The following RANBP17 variants were observed in gnomAD, a reference collection of about 807,000 sequenced individuals.
The protein encoded by RANBP17 is RAN binding protein 17.
Under a neutral mutation model 141.2 loss-of-function variants are expected in RANBP17, and 158 were observed. The observed-to-expected ratio is 1.12, with a 90% CI of 0.98 to 1.28. The LOEUF is 1.28. Ranked by LOEUF, RANBP17 falls within the 50% of genes most tolerant of loss-of-function variation. The pLI is 0.00. For synonymous variants in RANBP17, 430 were observed against 450.0 expected (o/e 0.96, Z 0.56); for missense variants, 1,438 against 1,290.7 (o/e 1.11, Z -1.75).
chr5:171,121,440 C>T (rs1361514752), intron 14 of RANBP17, among the ~76,000 whole-genome samples: 5 of 152,204 alleles, frequency 3.3e-5, no homozygotes, highest in African/African-American at 7.2e-5. Flanking sequence ...ACAGGGCCGT[C>T]GCGCAGGTCA....
chr5:171,227,551 A>T (rs1425107925), intron 22 of RANBP17, among the ~76,000 whole-genome samples: 1 of 152,262 alleles, frequency 6.6e-6, no homozygotes, highest in Non-Finnish European at 1.5e-5. Context: ...GCAAGTGCTG[A>T]TGGAGAAGCT....
At chr5:171,006,798 T>C (rs1779656405) in intron 14 of RANBP17, among the ~76,000 whole-genome samples, 1 of 151,272 alleles carries the variant, frequency 6.6e-6, no homozygotes, top group East Asian at 1.9e-4. Flanking sequence ...TCTAGGGTGG[T>C]AAAGCATCTA....
intron 14 of RANBP17, among the ~76,000 whole-genome samples, chr5:171,055,847 A>G (rs550975761): frequency 7.0e-6 from 1 of 143,296 alleles, no homozygotes; most frequent in South Asian, 2.3e-4. Context: ...AGCCTTGGCA[A>G]AACAACCAGT....
At chr5:171,214,970 T>C (rs1763129205) in intron 21 of RANBP17, among the ~76,000 whole-genome samples, 1 of 152,106 alleles carries the variant, frequency 6.6e-6, no homozygotes, top group Non-Finnish European at 1.5e-5. Flanking sequence ...CCATGGTGGT[T>C]TGCTGCACCT....
At chr5:171,078,923 A>G (rs1323982595) in intron 14 of RANBP17, among the ~76,000 whole-genome samples, 2 of 152,166 alleles carry the variant, frequency 1.3e-5, no homozygotes, top group African/African-American at 4.8e-5. Context: ...AGTGGTTTTG[A>G]CTTTCAGGTC....
intron 12 of RANBP17, among the ~76,000 whole-genome samples, chr5:170,938,748 G>GA (rs1774089352): frequency 6.6e-6 from 1 of 152,066 alleles, no homozygotes; most frequent in South Asian, 2.1e-4. Flanking sequence ...AGTTAGAACT[G>GA]AAGAAATTTT....
At chr5:171,015,134 GGTT>G (rs545300358) in intron 14 of RANBP17, among the ~76,000 whole-genome samples, 2 of 151,936 alleles carry the variant, frequency 1.3e-5, no homozygotes, top group Non-Finnish European at 2.9e-5. Flanking sequence ...TGTGTGCCTT[GGTT>G]GTTTTCTTAT....
chr5:170,949,009 G>A (rs1261763112), intron 12 of RANBP17, among the ~76,000 whole-genome samples: 1 of 151,984 alleles, frequency 6.6e-6, no homozygotes, highest in Non-Finnish European at 1.5e-5. Context: ...TTTAAAATTA[G>A]GTAGCTATGT....
At chr5:171,031,952 G>A (rs1199401328) in intron 14 of RANBP17, among the ~76,000 whole-genome samples, 1 of 152,038 alleles carries the variant, frequency 6.6e-6, no homozygotes, top group African/African-American at 2.4e-5. Flanking sequence ...GTCTATGATT[G>A]CCAAAGTCTT....
chr5:170,969,813 GA>G (rs377351009), intron 14 of RANBP17, among the ~76,000 whole-genome samples: 21 of 152,074 alleles, frequency 1.4e-4, no homozygotes, highest in African/African-American at 5.1e-4. Flanking sequence ...TGCACTTTAG[GA>G]AAAAGTAAAC....
At chr5:171,263,272 CA>C (rs1766451576) in intron 24 of RANBP17, among the ~76,000 whole-genome samples, 2 of 152,270 alleles carry the variant, frequency 1.3e-5, no homozygotes, top group South Asian at 4.1e-4. Flanking sequence ...TCTACCTGCT[CA>C]CCATTTTAAC....
intron 22 of RANBP17, among the ~76,000 whole-genome samples, chr5:171,226,088 ACTT>A (rs1210850993): frequency 6.6e-6 from 1 of 152,190 alleles, no homozygotes; most frequent in African/African-American, 2.4e-5. Context: ...GTATTTCAAA[ACTT>A]AGTGCTACGA....
intron 14 of RANBP17, among the ~76,000 whole-genome samples, chr5:170,983,962 A>G (rs1229627902): frequency 1.3e-5 from 2 of 152,194 alleles, no homozygotes; most frequent in Admixed American, 1.3e-4. Flanking sequence ...TTAAAGCTCT[A>G]CATTGGAAGA....
intron 14 of RANBP17, among the ~76,000 whole-genome samples, chr5:171,044,774 T>G (rs1198533149): frequency 6.6e-6 from 1 of 152,218 alleles, no homozygotes. Flanking sequence ...TAAAATAACT[T>G]TCTCTAATAA....
At chr5:170,968,510 G>A in intron 14 of RANBP17, 133 bp downstream of exon 14, 1 of 801,272 alleles carries the variant, frequency 1.2e-6, no homozygotes, top group Non-Finnish European at 2.1e-6. Context: ...AATTGGTGAT[G>A]AAGTGCAATG....
intron 14 of RANBP17, among the ~76,000 whole-genome samples, chr5:171,090,048 T>G (rs1786112683): frequency 6.6e-6 from 1 of 152,144 alleles, no homozygotes; most frequent in African/African-American, 2.4e-5. Context: ...GGGGCACTGC[T>G]GAAAAGAGAC....
intron 14 of RANBP17, among the ~76,000 whole-genome samples, chr5:171,128,829 C>A (rs1476169234): frequency 7.9e-5 from 12 of 151,330 alleles, no homozygotes; most frequent in African/African-American, 2.7e-4. Context: ...AGACCCCCCC[C>A]AAAAAAAATT....
At position 171,251,526 on chromosome 5, in the gene RANBP17, T is replaced by C. The variant is rs182297382; in HGVS notation, c.2776+8706T>C. Among the ~76,000 whole-genome samples, 573 of 147,624 alleles carry C rather than the reference T, an allele frequency of 3.9e-3. 4 individuals are homozygous for C. Among genetic ancestry groups the C allele is most frequent in the African/African-American group, 0.013 (532 of 39,826 alleles). On this transcript the variant is annotated intron_variant, in intron 24 of 27. Transcript: ENST00000523189. The stretch of plus-strand genomic sequence containing the variant: ...CGCTCCCGGATAATCATTGGGTCAA[T>C]GTAAAATTATAGTGGAAAAAAAAAA...
chr5:170,991,785 A>G (rs75375383), intron 14 of RANBP17, among the ~76,000 whole-genome samples: 4,070 of 152,160 alleles, frequency 0.027, 176 homozygotes, highest in African/African-American at 0.092. Context: ...GTTCAAAAAA[A>G]CATAGCTGCT....
Sources: gnomAD v4.1 joint callset for allele counts (sites outside exome capture counted in the v4.1 genomes callset) on GRCh38, gnomAD v4.1.1 for gene constraint, MANE v1.5 for transcripts, NCBI Gene and HGNC (gene_info 2026-07-23, HGNC 2026-07-21) for gene names.